NUDCD3: variants seen among roughly 807,000 people sequenced by gnomAD.
NUDCD3 encodes the protein nudC domain-containing protein 3.
NUDCD3 carries 13 observed loss-of-function variants against 39.7 expected under a neutral mutation model. The ratio of observed to expected loss-of-function variants is 0.33; its 90% CI spans 0.21 to 0.52. The LOEUF (loss-of-function observed/expected upper bound fraction) is 0.52. Ranked by LOEUF, NUDCD3 falls within the 20% of genes least tolerant of loss-of-function variation. NUDCD3 has a pLI of 0.96. For missense variants in NUDCD3, 453 were observed against 458.1 expected (o/e 0.99, Z 0.10); for synonymous variants, 175 against 172.4 (o/e 1.02, Z -0.12).
chr7:44,426,664 C>T lies in NUDCD3; in HGVS notation c.642+907G>A, dbSNP rs1236309806. Among the ~76,000 whole-genome samples the T allele has an allele frequency of 2.4e-4, 37 of 151,190 alleles. 1 individual carries two copies. The highest frequency in any genetic ancestry group is 1.5e-5 in the Non-Finnish European group (1 of 67,350). On this transcript the variant is annotated intron_variant, in intron 3 of 5. Transcript: ENST00000355451. Reference sequence around the variant, plus strand: ...ACAAAAAATTAGCCGGGCGTAGTGGCGGGCGCCTGTAGTCCCAGCTACTTG... The same window carrying T: ...ACAAAAAATTAGCCGGGCGTAGTGGTGGGCGCCTGTAGTCCCAGCTACTTG...
intron 2 of NUDCD3, among the ~76,000 whole-genome samples, chr7:44,447,475 G>A (rs1799709775): frequency 6.6e-6 from 1 of 152,128 alleles, no homozygotes; most frequent in Non-Finnish European, 1.5e-5. Context: ...CTAGATTAAG[G>A]CATTTATTAA....
chr7:44,396,231 G>C (rs903317299), intron 4 of NUDCD3, among the ~76,000 whole-genome samples: 1 of 152,066 alleles, frequency 6.6e-6, no homozygotes, highest in African/African-American at 2.4e-5. Flanking sequence ...CTCCAGTCAA[G>C]TTTCCATCTG....
At chr7:44,448,287 T>C (rs17132119) in intron 2 of NUDCD3, among the ~76,000 whole-genome samples, 32,424 of 152,032 alleles carry the variant, frequency 0.21, 3,811 homozygotes, top group African/African-American at 0.26. Flanking sequence ...ACACGAACAG[T>C]GGCAAGTCCT....
At chr7:44,465,711 C>G (rs1371192464) in intron 2 of NUDCD3, among the ~76,000 whole-genome samples, 1 of 152,174 alleles carries the variant, frequency 6.6e-6, no homozygotes, top group African/African-American at 2.4e-5. Flanking sequence ...TAAACACAGT[C>G]ACCTCACTGT....
intron 2 of NUDCD3, among the ~76,000 whole-genome samples, chr7:44,446,451 T>A (rs1238196968): frequency 6.6e-6 from 1 of 152,244 alleles, no homozygotes; most frequent in African/African-American, 2.4e-5. Flanking sequence ...GTGAACAGAA[T>A]GAAGACAGGC....
At chr7:44,392,605 A>C in intron 4 of NUDCD3, 120 bp from the exon 5 acceptor site, 2 of 810,152 alleles carry the variant, frequency 2.5e-6, no homozygotes, top group East Asian at 2.6e-5. Context: ...CAACTACACA[A>C]AGGGAGGTGA....
At chr7:44,423,672 G>C (rs1799182643) in intron 3 of NUDCD3, among the ~76,000 whole-genome samples, 1 of 152,160 alleles carries the variant, frequency 6.6e-6, no homozygotes, top group African/African-American at 2.4e-5. Context: ...AAAAATCCAT[G>C]CTCATGGATA....
At position 44,407,052 on chromosome 7, in the gene NUDCD3, G is replaced by A. The variant is rs78861266; in HGVS notation, c.643-2469C>T. Among the ~76,000 whole-genome samples the A allele has an allele frequency of 8.8e-3, 1,332 of 152,174 alleles. 23 individuals are homozygous for A. Among genetic ancestry groups the A allele is most frequent in the African/African-American group, 0.031 (1,273 of 41,500 alleles). On this transcript the variant is annotated intron_variant, in intron 3 of 5. Transcript: ENST00000355451. ...GACCTTGCTCCAAAGACACTGACCA[G>A]CAGTCTGAGGACCTAGTGTGGATGC...
At chr7:44,483,776 C>G (rs1003368818) in intron 2 of NUDCD3, among the ~76,000 whole-genome samples, 1 of 152,156 alleles carries the variant, frequency 6.6e-6, no homozygotes, top group African/African-American at 2.4e-5. Context: ...AAAACTCCCC[C>G]ACAGCCTAGG....
chr7:44,404,818 A>G (rs1166507300), intron 3 of NUDCD3, among the ~76,000 whole-genome samples: 1 of 152,198 alleles, frequency 6.6e-6, no homozygotes, highest in Non-Finnish European at 1.5e-5. Context: ...CATAACTGGT[A>G]ACGTAAAATG....
At chr7:44,402,454 G>C (rs1798743616) in intron 4 of NUDCD3, among the ~76,000 whole-genome samples, 1 of 152,204 alleles carries the variant, frequency 6.6e-6, no homozygotes. Context: ...CTTAAGAGTT[G>C]AGCTATGTAT....
chr7:44,472,575 G>A (rs1311289894), intron 2 of NUDCD3, among the ~76,000 whole-genome samples: 1 of 152,110 alleles, frequency 6.6e-6, no homozygotes, highest in Non-Finnish European at 1.5e-5. Context: ...GAAAAGTCTG[G>A]GGGTAAAAAG....
At position 44,483,324 on chromosome 7, in the gene NUDCD3, AAAAC is replaced by A. The variant is rs558450248; in HGVS notation, c.509+1640_509+1643del. 1.3e-3 allele frequency among the ~76,000 whole-genome samples: 202 copies of A among 152,340 alleles called. 1 individual carries two copies. The Middle Eastern group carries it at 0.014, about 10-fold the overall frequency. On this transcript the variant is annotated intron_variant, in intron 2 of 5. Coordinates refer to ENST00000355451, the MANE Select transcript of NUDCD3 (RefSeq NM_015332.4). The stretch of plus-strand genomic sequence containing the variant: ...TCTTTAAAATGTTTGAAGAAAAACA[AAAAC>A]AAAAAAAAAGTGTCAACCTGCAATT...
At chr7:44,404,787 C>A (rs1585057138) in intron 3 of NUDCD3, among the ~76,000 whole-genome samples, 1 of 151,912 alleles carries the variant, frequency 6.6e-6, no homozygotes, top group Non-Finnish European at 1.5e-5. Flanking sequence ...TTTAGTAAAT[C>A]CACCAGAAAA....
chr7:44,421,487 CA>C (rs35044732), intron 3 of NUDCD3, among the ~76,000 whole-genome samples: 17,416 of 111,342 alleles, frequency 0.16, 1,176 homozygotes, highest in Non-Finnish European at 0.2. Context: ...AAATGGAAAG[CA>C]AAAAAAAAAA....
chr7:44,441,181 G>A lies in NUDCD3; in HGVS notation c.510-13478C>T, dbSNP rs190642205. ...TATTTACTGCTCCTGCTGTTTTGGGGGCGAAAATGTTAGTGGTCTACCAAG... is the reference window on the plus strand; with the variant it reads ...TATTTACTGCTCCTGCTGTTTTGGGAGCGAAAATGTTAGTGGTCTACCAAG... On this transcript the variant is annotated intron_variant, in intron 2 of 5. Transcript: ENST00000355451. 2.0e-5 allele frequency among the ~76,000 whole-genome samples: 3 copies of A among 152,208 alleles called. No individual in the cohort carries two copies. The East Asian group carries it at 5.8e-4, about 29-fold the overall frequency.
chr7:44,420,194 G>A (rs1263168606), intron 3 of NUDCD3, among the ~76,000 whole-genome samples: 5 of 151,852 alleles, frequency 3.3e-5, no homozygotes, highest in Admixed American at 1.3e-4. Flanking sequence ...TGAGAACTTC[G>A]TGAAGCATAC....
intron 2 of NUDCD3, among the ~76,000 whole-genome samples, chr7:44,477,822 C>CTTTTT (rs938640330): frequency 4.2e-4 from 40 of 94,134 alleles, no homozygotes; most frequent in Non-Finnish European, 5.4e-4. Flanking sequence ...ATGAACAATT[C>CTTTTT]TTTTTTTTTT....
At chr7:44,430,558 A>ACACG (rs1563174438) in intron 2 of NUDCD3, among the ~76,000 whole-genome samples, 1 of 142,218 alleles carries the variant, frequency 7.0e-6, no homozygotes, top group African/African-American at 2.8e-5. Context: ...AAATACCCAC[A>ACACG]CACACACACA....
Sources: allele counts gnomAD v4.1 joint callset (sites outside exome capture counted in the v4.1 genomes callset), GRCh38; gene constraint gnomAD v4.1.1; transcripts MANE v1.5; gene names NCBI Gene and HGNC (gene_info 2026-07-23, HGNC 2026-07-21).